Variants in KLHDC4 observed in about 807,000 individuals in gnomAD.
KLHDC4 encodes the protein kelch domain containing 4.
A neutral mutation model predicts 62.4 loss-of-function variants in KLHDC4; 90 were observed. The ratio of observed to expected loss-of-function variants is 1.44; its 90% CI spans 1.22 to 1.72. KLHDC4 has a LOEUF of 1.72. Ranked by LOEUF, KLHDC4 falls within the 40% of genes most tolerant of loss-of-function variation. KLHDC4 has a pLI of 0.00. For missense variants in KLHDC4, 1,025 were observed against 699.7 expected (o/e 1.47, Z -5.25); for synonymous variants, 386 against 284.4 (o/e 1.36, Z -3.59).
At chr16:87,723,922 C>T (rs1348821488) in intron 7 of KLHDC4, among the ~76,000 whole-genome samples, 5 of 152,190 alleles carry the variant, frequency 3.3e-5, no homozygotes, top group African/African-American at 4.8e-5. Context: ...CTGCAACCTC[C>T]GCCTCCCGGG....
chr16:87,764,768 A>C (rs1490444030), intron 1 of KLHDC4, among the ~76,000 whole-genome samples: 1 of 147,430 alleles, frequency 6.8e-6, no homozygotes, highest in Non-Finnish European at 1.5e-5. Context: ...TTCCTGTGCC[A>C]CAACCCTAGC....
At chr16:87,705,096 G>C (rs1015966173), downstream of KLHDC4, among the ~76,000 whole-genome samples, 6 of 150,366 alleles carry the variant, frequency 4.0e-5, no homozygotes, top group African/African-American at 1.2e-4. Context: ...CCGCAGCCGA[G>C]GGAAAGGCTT....
At chr16:87,741,570 C>T (rs995407903) in intron 5 of KLHDC4, among the ~76,000 whole-genome samples, 7 of 152,160 alleles carry the variant, frequency 4.6e-5, no homozygotes, top group Non-Finnish European at 7.3e-5. Flanking sequence ...TCCCCACCAG[C>T]GGTGGAAAAA....
At chr16:87,714,677 T>C in intron 7 of KLHDC4, 104 bp from the exon 8 acceptor site, 1 of 1,214,598 alleles carries the variant, frequency 8.2e-7, no homozygotes, top group Non-Finnish European at 1.2e-6. Flanking sequence ...GCTGGAGGCC[T>C]TCCCTGTAGA....
chr16:87,748,238 A>G (rs2043335071), intron 5 of KLHDC4, among the ~76,000 whole-genome samples: 1 of 152,152 alleles, frequency 6.6e-6, no homozygotes, highest in South Asian at 2.1e-4. Flanking sequence ...AAATGTCAAC[A>G]TCCTTCCTGT....
At chr16:87,700,690 CGGAGGGAGGAGGTTGGAGGGCGGAGGGA>C in exon 1 of KLHDC4, 1 of 124,262 alleles carries the variant, frequency 8.0e-6, no homozygotes, top group South Asian at 7.5e-5. Flanking sequence ...GGTTGGAGGG[CGGAGGGAGGAGGTTGGAGGGCGGAGGGA>C]GGAGGTTGGA....
At chr16:87,720,117 G>A (rs1387400755) in intron 7 of KLHDC4, among the ~76,000 whole-genome samples, 1 of 151,966 alleles carries the variant, frequency 6.6e-6, no homozygotes, top group East Asian at 1.9e-4. Context: ...TCAATCATCA[G>A]GAGAGGAGAA....
At chr16:87,739,654 C>T (rs2041947591) in intron 5 of KLHDC4, 2 of 153,364 alleles carry the variant, frequency 1.3e-5, no homozygotes, top group Non-Finnish European at 2.9e-5. Flanking sequence ...GTCATACATC[C>T]ACACACCAGC....
chr16:87,749,919 A>G (rs1245851817), intron 4 of KLHDC4, among the ~76,000 whole-genome samples: 2 of 152,210 alleles, frequency 1.3e-5, no homozygotes, highest in Admixed American at 6.5e-5. Context: ...TCAGCACCAC[A>G]GTAAAGGTGA....
intron 5 of KLHDC4, among the ~76,000 whole-genome samples, chr16:87,734,889 A>G (rs1348438788): frequency 1.3e-5 from 2 of 151,718 alleles, no homozygotes; most frequent in African/African-American, 4.8e-5. Context: ...AACCCCACAC[A>G]TGCGGAGCAA....
intron 1 of KLHDC4, chr16:87,763,536 C>G (rs1286199756): frequency 6.6e-6 from 1 of 152,140 alleles, no homozygotes; most frequent in Non-Finnish European, 1.5e-5. Context: ...GCCTGGGAGG[C>G]AGAGGTTGCA....
At chr16:87,698,692 G>A (rs1441346909) in exon 1 of KLHDC4, 1 of 152,266 alleles carries the variant, frequency 6.6e-6, no homozygotes, top group African/African-American at 2.4e-5. Context: ...CCGGGTCTGA[G>A]AGAATCGAAT....
chr16:87,759,162 A>G (rs1039510277), intron 2 of KLHDC4, among the ~76,000 whole-genome samples: 2 of 151,864 alleles, frequency 1.3e-5, no homozygotes, highest in African/African-American at 4.8e-5. Flanking sequence ...ACAAGAGCAA[A>G]ACTCTGTCTC....
chr16:87,735,924 A>G (rs976930364), intron 5 of KLHDC4, among the ~76,000 whole-genome samples: 1 of 152,206 alleles, frequency 6.6e-6, no homozygotes, highest in Non-Finnish European at 1.5e-5. Context: ...AAAACTCTAC[A>G]TGCTTAGGGT....
intron 6 of KLHDC4, among the ~76,000 whole-genome samples, chr16:87,730,281 AC>A (rs1272081788): frequency 2.6e-5 from 4 of 152,252 alleles, no homozygotes; most frequent in Non-Finnish European, 5.9e-5. Flanking sequence ...AGAACTAGCC[AC>A]ATCATTTGCA....
exon 1 of KLHDC4, chr16:87,702,444 C>T (rs538760552): frequency 5.5e-6 from 2 of 364,886 alleles, no homozygotes; most frequent in South Asian, 4.1e-5. Flanking sequence ...TCGCTTGGGC[C>T]TCTGGGGAGC....
intron 7 of KLHDC4, among the ~76,000 whole-genome samples, chr16:87,715,035 GA>G (rs1164365825): frequency 6.6e-6 from 1 of 152,150 alleles, no homozygotes. Context: ...TCCAAGCTTC[GA>G]AAACAACGCG....
chr16:87,758,941 C>A (rs1454618514), intron 2 of KLHDC4, among the ~76,000 whole-genome samples: 1 of 152,032 alleles, frequency 6.6e-6, no homozygotes, highest in Admixed American at 6.6e-5. Flanking sequence ...TTTCGGAGGC[C>A]GAGGCGGGCG....
rs201252810 is a variant in KLHDC4 at position 87,761,935 on chromosome 16, T to C, written c.191+14A>G. The C allele has an allele frequency of 2.4e-5, 39 of 1,611,602 alleles. No individual in the cohort carries two copies. The highest frequency in any genetic ancestry group is 2.3e-5 in the Non-Finnish European group (27 of 1,178,478). ...AAAAGGAAACATACAATATGAAAAATGCTACTTGCTCACCTTGGTGAGGGT... is the reference window on the plus strand; with the variant it reads ...AAAAGGAAACATACAATATGAAAAACGCTACTTGCTCACCTTGGTGAGGGT... On this transcript the variant is annotated intron_variant, in intron 2 of 11. Coordinates refer to ENST00000270583, the MANE Select transcript of KLHDC4 (RefSeq NM_017566.4).
Sources: gnomAD v4.1 joint callset for allele counts (sites outside exome capture counted in the v4.1 genomes callset) on GRCh38, gnomAD v4.1.1 for gene constraint, MANE v1.5 for transcripts, NCBI Gene and HGNC (gene_info 2026-07-23, HGNC 2026-07-21) for gene names.